Variants in RSRC1 observed in about 807,000 individuals in gnomAD.
RSRC1 encodes the protein arginine and serine rich coiled-coil 1.
A neutral mutation model predicts 49.1 loss-of-function variants in RSRC1; 39 were observed. The observed-to-expected ratio is 0.79, with a 90% CI of 0.61 to 1.04. RSRC1 has a LOEUF of 1.04. RSRC1 is among the 50% of genes least tolerant of loss of function. RSRC1 has a pLI of 0.00. For missense variants in RSRC1, 388 were observed against 402.4 expected, an observed-to-expected ratio of 0.96 and a Z score of 0.31; for synonymous variants, 143 against 130.8, an observed-to-expected ratio of 1.09 and a Z score of -0.63.
chr3:158,402,120 C>T (rs1733923603), intron 6 of RSRC1, among the ~76,000 whole-genome samples: 1 of 151,908 alleles, frequency 6.6e-6, no homozygotes. Context: ...TTTGGGTTAG[C>T]AGAATCTACC....
chr3:158,237,861 A>G (rs1382650731), intron 4 of RSRC1, among the ~76,000 whole-genome samples: 1 of 152,152 alleles, frequency 6.6e-6, no homozygotes, highest in East Asian at 1.9e-4. Flanking sequence ...GAGTCGTGAG[A>G]GAGGGCATTG....
intron 3 of RSRC1, among the ~76,000 whole-genome samples, chr3:158,148,088 G>A (rs538910049): frequency 1.6e-4 from 24 of 152,312 alleles, no homozygotes; most frequent in African/African-American, 5.5e-4. Flanking sequence ...ACTATTAAAC[G>A]TGGTACAGGT....
chr3:158,316,438 A>ATTTTTTTTTTTTTTT (rs564633575), intron 5 of RSRC1, among the ~76,000 whole-genome samples: 25 of 72,238 alleles, frequency 3.5e-4, no homozygotes, highest in African/African-American at 7.6e-4. Flanking sequence ...AGAATCTCTC[A>ATTTTTTTTTTTTTTT]TTTTTTTTTT....
chr3:158,421,278 T>C (rs1018449742), intron 6 of RSRC1, among the ~76,000 whole-genome samples: 3 of 151,938 alleles, frequency 2.0e-5, no homozygotes, highest in African/African-American at 7.2e-5. Context: ...CGTGGCCTTA[T>C]AAGCCATGAT....
chr3:158,304,855 T>G (rs745701384), intron 5 of RSRC1, among the ~76,000 whole-genome samples: 1 of 152,164 alleles, frequency 6.6e-6, no homozygotes, highest in African/African-American at 2.4e-5. Flanking sequence ...CATAAATCTT[T>G]CTCTTTCCTT....
At chr3:158,483,101 A>T (rs896605425) in intron 7 of RSRC1, among the ~76,000 whole-genome samples, 1 of 152,002 alleles carries the variant, frequency 6.6e-6, no homozygotes, top group African/African-American at 2.4e-5. Context: ...CATTTGAAGG[A>T]CACACATAAA....
In RSRC1 at chr3:158,520,281, A is replaced by G. The variant is rs570305829; in HGVS notation, c.653-16811A>G. ...GTTTTCTTAAAGCTTACAGCTTCAC[A>G]GTGTCTCTGACTAGACAGACACAAA... is the stretch of plus-strand genomic sequence containing the variant. On this transcript the variant is annotated intron_variant, in intron 7 of 9. Coordinates refer to ENST00000611884, the MANE Select transcript of RSRC1 (RefSeq NM_001271838.2). Among the ~76,000 whole-genome samples, 25 of 152,266 alleles carry G rather than the reference A, an allele frequency of 1.6e-4. 1 individual carries two copies. In the South Asian group the frequency reaches 5.0e-3, roughly 30 times the overall value.
At chr3:158,293,307 C>CAT (rs1364998681) in intron 4 of RSRC1, among the ~76,000 whole-genome samples, 14 of 151,920 alleles carry the variant, frequency 9.2e-5, no homozygotes, top group Non-Finnish European at 2.1e-4. Flanking sequence ...TACGTACGTA[C>CAT]ATATGTATGT....
intron 3 of RSRC1, among the ~76,000 whole-genome samples, chr3:158,129,939 G>C (rs565826342): frequency 6.6e-6 from 1 of 152,036 alleles, no homozygotes; most frequent in Admixed American, 6.5e-5. Context: ...CTTTTCTTTA[G>C]TTTCTCCAAA....
chr3:158,430,130 C>G (rs1395617553), intron 6 of RSRC1, among the ~76,000 whole-genome samples: 1 of 151,572 alleles, frequency 6.6e-6, no homozygotes, highest in East Asian at 1.9e-4. Context: ...CTGTTTCTTG[C>G]ACTTGTGATA....
Position 158,470,355 on chromosome 3 carries a change from CACACACAT to C in RSRC1, c.652+9354_652+9361del, listed in dbSNP as rs1393320877. On this transcript the variant is annotated intron_variant, in intron 7 of 9. Coordinates refer to ENST00000611884, the MANE Select transcript of RSRC1 (RefSeq NM_001271838.2). ...ACACACACACACACACACACACACACACACACATATATATATATATATATAAAACCATC... is the reference window on the plus strand; with the variant it reads ...ACACACACACACACACACACACACACATATATATATATATATAAAACCATC... Among the ~76,000 whole-genome samples, 203 of 117,194 alleles carry C rather than the reference CACACACAT, an allele frequency of 1.7e-3. 1 individual carries two copies. Among genetic ancestry groups the C allele is most frequent in the African/African-American group, 6.9e-3 (188 of 27,192 alleles). 76.9% of individuals were successfully genotyped at this position (117,194 alleles called of 152,430 possible).
intron 6 of RSRC1, among the ~76,000 whole-genome samples, chr3:158,440,939 T>C (rs1214859673): frequency 2.0e-5 from 3 of 152,018 alleles, no homozygotes; most frequent in Non-Finnish European, 4.4e-5. Context: ...CAAAACTCCA[T>C]CTCATAAGAA....
At chr3:158,272,881 C>T (rs999441486) in intron 4 of RSRC1, among the ~76,000 whole-genome samples, 3 of 151,836 alleles carry the variant, frequency 2.0e-5, no homozygotes, top group African/African-American at 7.3e-5. Flanking sequence ...TCCTTTCCTC[C>T]CTCTCCTCAT....
At chr3:158,410,076 A>G (rs756832319) in intron 6 of RSRC1, among the ~76,000 whole-genome samples, 1 of 152,148 alleles carries the variant, frequency 6.6e-6, no homozygotes, top group Non-Finnish European at 1.5e-5. Context: ...TCACAGTAAA[A>G]TGGTTTCTTA....
chr3:158,459,504 G>A (rs750480589), intron 6 of RSRC1, among the ~76,000 whole-genome samples: 3 of 151,994 alleles, frequency 2.0e-5, no homozygotes, highest in Non-Finnish European at 2.9e-5. Flanking sequence ...GAATCTGAGC[G>A]GGATAATTTG....
chr3:158,470,162 A>G (rs938907438), intron 7 of RSRC1, among the ~76,000 whole-genome samples: 1 of 152,050 alleles, frequency 6.6e-6, no homozygotes, highest in African/African-American at 2.4e-5. Flanking sequence ...AGAAGATTTT[A>G]TCCCCAAAAA....
chr3:158,495,772 C>A (rs1489944906), intron 7 of RSRC1, among the ~76,000 whole-genome samples: 1 of 152,166 alleles, frequency 6.6e-6, no homozygotes, highest in Non-Finnish European at 1.5e-5. Flanking sequence ...AAATAAAAGC[C>A]ACTCTCATTT....
chr3:158,252,875 G>A (rs554735503), intron 4 of RSRC1, among the ~76,000 whole-genome samples: 1 of 152,192 alleles, frequency 6.6e-6, no homozygotes, highest in East Asian at 1.9e-4. Context: ...TTGGCATATA[G>A]TTTCTCATAG....
intron 6 of RSRC1, among the ~76,000 whole-genome samples, chr3:158,453,989 A>AT (rs891993450): frequency 3.3e-5 from 5 of 151,680 alleles, no homozygotes; most frequent in South Asian, 2.1e-4. Context: ...TGAGTAACCT[A>AT]TTTTTTTCTC....
Sources: gnomAD v4.1 joint callset for allele counts (sites outside exome capture counted in the v4.1 genomes callset) on GRCh38, gnomAD v4.1.1 for gene constraint, MANE v1.5 for transcripts, NCBI Gene and HGNC (gene_info 2026-07-23, HGNC 2026-07-21) for gene names.